The following CADM2 variants were observed in gnomAD, a reference collection of about 807,000 sequenced individuals.
CADM2 encodes immunoglobulin superfamily member 4D.
Under a neutral mutation model 49.8 loss-of-function variants are expected in CADM2, and 12 were observed. That is an observed-to-expected ratio of 0.24 (90% CI 0.15 to 0.39). The LOEUF (loss-of-function observed/expected upper bound fraction) is 0.39. Among genes scored for constraint, CADM2 ranks in the 10% least tolerant of loss-of-function variants. The pLI is 1.00. For missense variants in CADM2, 378 were observed against 492.3 expected, an observed-to-expected ratio of 0.77 and a Z score of 2.20; for synonymous variants, 214 against 175.4, an observed-to-expected ratio of 1.22 and a Z score of -1.74.
chr3:85,245,353 A>G (rs1338052630), intron 1 of CADM2, among the ~76,000 whole-genome samples: 1 of 151,982 alleles, frequency 6.6e-6, no homozygotes, highest in African/African-American at 2.4e-5. Flanking sequence ...TCTACTAAAA[A>G]TACAAAAAAT....
chr3:86,049,288 T>C (rs1373108951), intron 8 of CADM2, among the ~76,000 whole-genome samples: 1 of 151,346 alleles, frequency 6.6e-6, no homozygotes, highest in Non-Finnish European at 1.5e-5. Flanking sequence ...TTTATTTTTT[T>C]TTTTGAGACA....
At chr3:86,027,180 A>G (rs1274032292) in intron 8 of CADM2, among the ~76,000 whole-genome samples, 1 of 152,122 alleles carries the variant, frequency 6.6e-6, no homozygotes, top group Non-Finnish European at 1.5e-5. Context: ...TGGATTCCCT[A>G]CCTCATCCCC....
chr3:85,773,921 C>T (rs1430387951), intron 2 of CADM2, among the ~76,000 whole-genome samples: 1 of 151,908 alleles, frequency 6.6e-6, no homozygotes, highest in East Asian at 1.9e-4. Context: ...TATCGATAGA[C>T]TATTTCCTTT....
intron 1 of CADM2, among the ~76,000 whole-genome samples, chr3:85,035,879 T>C (rs550965831): frequency 6.6e-6 from 1 of 152,330 alleles, no homozygotes; most frequent in Admixed American, 6.5e-5. Context: ...AAAAATGTTT[T>C]TCAGGAAAAT....
At chr3:85,903,850 A>G (rs1716455310) in intron 5 of CADM2, among the ~76,000 whole-genome samples, 1 of 152,094 alleles carries the variant, frequency 6.6e-6, no homozygotes, top group Non-Finnish European at 1.5e-5. Flanking sequence ...TATGTGCATA[A>G]GTTGTTCTAT....
intron 1 of CADM2, among the ~76,000 whole-genome samples, chr3:85,245,527 A>G (rs1439556805): frequency 6.6e-6 from 1 of 151,634 alleles, no homozygotes; most frequent in Non-Finnish European, 1.5e-5. Context: ...AAAAAAGATA[A>G]TAATAATTAA....
chr3:85,736,484 T>A (rs1285189768), intron 2 of CADM2, among the ~76,000 whole-genome samples: 1 of 152,136 alleles, frequency 6.6e-6, no homozygotes, highest in Admixed American at 6.5e-5. Flanking sequence ...AGGGAAGAAC[T>A]GCCCAAGTCA....
chr3:86,024,664 A>T (rs1403875914), intron 8 of CADM2, among the ~76,000 whole-genome samples: 1 of 152,170 alleles, frequency 6.6e-6, no homozygotes, highest in Non-Finnish European at 1.5e-5. Flanking sequence ...ACCAGATACC[A>T]GCAAAACTTT....
chr3:85,355,892 C>T (rs188029323), intron 1 of CADM2, among the ~76,000 whole-genome samples: 4 of 152,054 alleles, frequency 2.6e-5, no homozygotes, highest in Admixed American at 1.3e-4. Flanking sequence ...CTGCTGCACA[C>T]GTTTCATGTT....
At chr3:85,880,056 C>T (rs1033448021) in intron 3 of CADM2, among the ~76,000 whole-genome samples, 1 of 152,124 alleles carries the variant, frequency 6.6e-6, no homozygotes, top group Non-Finnish European at 1.5e-5. Context: ...TGTTCTCTAC[C>T]TCTATAATTT....
intron 1 of CADM2, among the ~76,000 whole-genome samples, chr3:85,200,344 G>A (rs1049720628): frequency 6.6e-6 from 1 of 151,904 alleles, no homozygotes; most frequent in Non-Finnish European, 1.5e-5. Context: ...CCACTCATTC[G>A]GTGAGATCTT....
chr3:85,347,907 A>C (rs1029231271), intron 1 of CADM2, among the ~76,000 whole-genome samples: 2 of 151,352 alleles, frequency 1.3e-5, no homozygotes, highest in Admixed American at 6.6e-5. Context: ...TCCTAGGTTC[A>C]CGCCATTCTC....
intron 1 of CADM2, among the ~76,000 whole-genome samples, chr3:85,272,830 A>G (rs2043272181): frequency 6.6e-6 from 1 of 151,328 alleles, no homozygotes; most frequent in South Asian, 2.1e-4. Flanking sequence ...AGGAGTGATA[A>G]AGCCACTGAT....
chr3:85,778,129 G>A (rs149830760), intron 2 of CADM2, among the ~76,000 whole-genome samples: 4 of 152,152 alleles, frequency 2.6e-5, no homozygotes, highest in African/African-American at 9.6e-5. Flanking sequence ...AATGTTTAGG[G>A]GGAATAAAGA....
At chr3:85,338,519 G>A (rs1483084038) in intron 1 of CADM2, among the ~76,000 whole-genome samples, 1 of 151,358 alleles carries the variant, frequency 6.6e-6, no homozygotes, top group Non-Finnish European at 1.5e-5. Flanking sequence ...GCAAATTATA[G>A]TGCATATAAT....
At chr3:85,503,904 G>T (rs2040213961) in intron 1 of CADM2, among the ~76,000 whole-genome samples, 1 of 152,330 alleles carries the variant, frequency 6.6e-6, no homozygotes, top group Non-Finnish European at 1.5e-5. Context: ...AAGGCAGAAT[G>T]TATTACGTGT....
At chr3:85,094,146 G>A (rs926360943) in intron 1 of CADM2, among the ~76,000 whole-genome samples, 2 of 152,074 alleles carry the variant, frequency 1.3e-5, no homozygotes, top group Admixed American at 1.3e-4. Context: ...GTAGAACTGT[G>A]AAAAGACTAG....
At chr3:85,564,167 T>TTCTCTCTCTCTCTCTCTC (rs3086193) in intron 1 of CADM2, among the ~76,000 whole-genome samples, 17 of 149,582 alleles carry the variant, frequency 1.1e-4, no homozygotes, top group African/African-American at 3.5e-4. Context: ...GAAAGCATGA[T>TTCTCTCTCTCTCTCTCTC]TCTCTCTCTC....
intron 1 of CADM2, among the ~76,000 whole-genome samples, chr3:85,210,236 T>A (rs1020534291): frequency 6.6e-6 from 1 of 152,216 alleles, no homozygotes; most frequent in African/African-American, 2.4e-5. Context: ...TGAAATGATA[T>A]GTTTTTTGAA....
Sources: allele counts gnomAD v4.1 joint callset (sites outside exome capture counted in the v4.1 genomes callset), GRCh38; gene constraint gnomAD v4.1.1; transcripts MANE v1.5; gene names NCBI Gene and HGNC (gene_info 2026-07-23, HGNC 2026-07-21).